HACL1: variants seen among roughly 807,000 people sequenced by gnomAD.
HACL1 encodes the protein 1600020H07Rik.
In HACL1, 64 loss-of-function variants were observed where a neutral mutation model predicts 74.2. The observed-to-expected ratio is 0.86, with a 90% CI of 0.70 to 1.06. The LOEUF is 1.06. Among genes scored for constraint, HACL1 ranks in the 50% least tolerant of loss-of-function variants. The pLI, the probability that HACL1 is intolerant of heterozygous loss-of-function variation, is 0.00. For missense variants in HACL1, 728 were observed against 719.7 expected, an observed-to-expected ratio of 1.01 and a Z score of -0.13; for synonymous variants, 230 against 238.8, an observed-to-expected ratio of 0.96 and a Z score of 0.34.
chr3:15,591,278 T>G (rs972348453), intron 4 of HACL1, among the ~76,000 whole-genome samples: 1 of 147,552 alleles, frequency 6.8e-6, no homozygotes, highest in Non-Finnish European at 1.5e-5. Flanking sequence ...AAATAGTCAC[T>G]TTTTTTGGTA....
intron 2 of HACL1, among the ~76,000 whole-genome samples, chr3:15,600,382 A>AT (rs1230979770): frequency 1.3e-5 from 2 of 152,224 alleles, no homozygotes; most frequent in African/African-American, 4.8e-5. Context: ...ACAGAAGTGG[A>AT]TTCTTGACCT....
At chr3:15,584,184 C>G (rs1235428597) in intron 7 of HACL1, among the ~76,000 whole-genome samples, 1 of 152,130 alleles carries the variant, frequency 6.6e-6, no homozygotes, top group Non-Finnish European at 1.5e-5. Context: ...AGAAGGCTTA[C>G]AGAGTTAACT....
intron 16 of HACL1, among the ~76,000 whole-genome samples, chr3:15,562,991 C>T (rs139460962): frequency 2.0e-5 from 3 of 152,010 alleles, no homozygotes; most frequent in Non-Finnish European, 4.4e-5. Context: ...TCCCTGTAAC[C>T]CCAACATAAA....
At position 15,601,180 on chromosome 3, in the gene HACL1, T is replaced by C; in HGVS notation, c.96A>G (p.Ile32Met). 1.9e-6 allele frequency: 3 copies of C among 1,612,344 alleles called. No individual in the cohort carries two copies. Among genetic ancestry groups the C allele is most frequent in the Non-Finnish European group, 2.5e-6 (3 of 1,178,374 alleles). Reference protein sequence around the residue: ...QALKTQDVEYIFGIVGIPVTE... With the variant: ...QALKTQDVEYMFGIVGIPVTE... Reference sequence around the variant, plus strand: ...TCACTGGGATGCCTACGATGCCAAATATGTACTCCACATCCTGAGGAACGA... The same window carrying C: ...TCACTGGGATGCCTACGATGCCAAACATGTACTCCACATCCTGAGGAACGA... Residue 32 changes from isoleucine to methionine, a missense_variant, in exon 2 of 17, where the codon ATA becomes ATG. Ile to Met is a conservative substitution (Grantham distance 10). Transcript: ENST00000321169.
At position 15,601,093 on chromosome 3, in the gene HACL1, T is replaced by C. The variant is rs750710304; in HGVS notation, c.183A>G (p.Gln61=). 4.4e-6 allele frequency: 7 copies of C among 1,604,790 alleles called. No individual in the cohort carries two copies. Among genetic ancestry groups the C allele is most frequent in the South Asian group, 1.1e-5 (1 of 90,912 alleles). Residue 61 remains glutamine, a synonymous_variant, in exon 2 of 17, where the codon CAA becomes CAG. Coordinates refer to ENST00000321169, the MANE Select transcript of HACL1 (RefSeq NM_012260.4). Reference sequence around the variant, plus strand: ...AGCCACCTGAGTCCATACTCACCGCTTGCTCATTCCTCATCCCGATGTACT... The same window carrying C: ...AGCCACCTGAGTCCATACTCACCGCCTGCTCATTCCTCATCCCGATGTACT... The part of the protein sequence containing the change: ...GIKYIGMRNE[Q]AACYAASAIG...
intron 6 of HACL1, among the ~76,000 whole-genome samples, chr3:15,585,713 G>A (rs979163517): frequency 4.6e-5 from 7 of 152,140 alleles, no homozygotes; most frequent in African/African-American, 7.2e-5. Context: ...GCTGTTACAC[G>A]TATCAAATGG....
chr3:15,580,697 G>A (rs1213858053), intron 8 of HACL1, among the ~76,000 whole-genome samples: 2 of 152,104 alleles, frequency 1.3e-5, no homozygotes, highest in Admixed American at 6.5e-5. Context: ...AGGTGGCCAG[G>A]GAAAAATGTT....
Position 15,574,975 on chromosome 3 carries a change from AC to A in HACL1, c.909+1del, listed in dbSNP as rs2063597716. 1.5e-6 allele frequency: 2 copies of A among 1,373,848 alleles called. No individual in the cohort carries two copies. The highest frequency in any genetic ancestry group is 1.7e-5 in the Admixed American group (1 of 59,532). The allele number at this position is 1,373,848 out of a possible 1,614,324, so 85.1% of individuals were successfully genotyped here. On this transcript the variant is annotated splice_donor_variant, in intron 10 of 16. Coordinates refer to ENST00000321169, the MANE Select transcript of HACL1 (RefSeq NM_012260.4). LOFTEE classifies it high-confidence loss of function. Reference sequence around the variant, plus strand: ...GATTTTAAGTTCCTCCTCTCTAAGTACCTGGATAAACTTCACATCTGGCTGA... The same window carrying A: ...GATTTTAAGTTCCTCCTCTCTAAGTACTGGATAAACTTCACATCTGGCTGA...
chr3:15,592,351 T>G (rs1323832842), intron 3 of HACL1, among the ~76,000 whole-genome samples: 1 of 150,796 alleles, frequency 6.6e-6, no homozygotes. Context: ...CAGAGTATAC[T>G]CTATATATAT....
chr3:15,568,510 T>C lies in HACL1; in HGVS notation c.1172A>G (p.Asp391Gly). 6.3e-7 allele frequency: 1 copy of C among 1,596,572 alleles called. No homozygotes were observed. The highest frequency in any genetic ancestry group is 8.6e-7 in the Non-Finnish European group (1 of 1,164,218). The change falls in exon 13 of 17, where the codon GAC becomes GGC. Residue 391 changes from aspartate (D) to glycine (G), a missense_variant. Asp to Gly is a moderately conservative substitution (Grantham distance 94, BLOSUM62 -1). Transcript: ENST00000321169. ...FYHVQEQLPR[D>G]CFVVSEGANT... Reference sequence around the variant, plus strand: ...TGCTCCTTCACTTACCACGAAACAGTCTCTAGGTAGTTGTTCTTGAACATG... The same window carrying C: ...TGCTCCTTCACTTACCACGAAACAGCCTCTAGGTAGTTGTTCTTGAACATG...
chr3:15,571,615 T>G (rs912616481), intron 12 of HACL1, 53 bp downstream of exon 12: 2 of 831,572 alleles, frequency 2.4e-6, no homozygotes, highest in African/African-American at 3.3e-5. Flanking sequence ...ACGGCAGAAG[T>G]AACTGAATCA....
chr3:15,563,927 C>T (rs935160533), intron 15 of HACL1, among the ~76,000 whole-genome samples: 2 of 152,062 alleles, frequency 1.3e-5, no homozygotes, highest in Non-Finnish European at 2.9e-5. Flanking sequence ...CTATACTAGA[C>T]AGCACAGGCT....
chr3:15,601,194 C>T lies in HACL1; in HGVS notation c.82G>A (p.Asp28Asn). 2.5e-6 allele frequency: 4 copies of T among 1,608,396 alleles called. No individual in the cohort carries two copies. The highest frequency in any genetic ancestry group is 3.4e-6 in the Non-Finnish European group (4 of 1,174,776). Reference sequence around the variant, plus strand: ...ACGATGCCAAATATGTACTCCACATCCTGAGGAACGAAGAACAGGGGAGTA... The same window carrying T: ...ACGATGCCAAATATGTACTCCACATTCTGAGGAACGAAGAACAGGGGAGTA... The part of the protein sequence containing the change: ...KVIAQALKTQ[D>N]VEYIFGIVGI... Residue 28 changes from aspartate (D) to asparagine (N), a missense_variant and splice_region_variant, in exon 2 of 17, where the codon GAT (aspartate) becomes AAT (asparagine). By Grantham distance (23) the Asp-to-Asn change is conservative (BLOSUM62 1). Transcript: ENST00000321169.
intron 14 of HACL1, among the ~76,000 whole-genome samples, chr3:15,566,439 A>G (rs1207676569): frequency 6.6e-6 from 1 of 152,162 alleles, no homozygotes; most frequent in Admixed American, 6.5e-5. Context: ...GGATTGCTTG[A>G]GCTTAGAAAT....
At chr3:15,588,186 G>A (rs2063825761) in intron 5 of HACL1, among the ~76,000 whole-genome samples, 2 of 152,180 alleles carry the variant, frequency 1.3e-5, no homozygotes, top group Admixed American at 1.3e-4. Context: ...GAGCCACCAT[G>A]CCCGGCTGTC....
intron 3 of HACL1, among the ~76,000 whole-genome samples, chr3:15,592,619 T>C (rs1188105671): frequency 2.7e-5 from 2 of 72,860 alleles, no homozygotes; most frequent in African/African-American, 5.6e-5. Flanking sequence ...TGTGCGTGTA[T>C]ACACATGTAC....
intron 5 of HACL1, among the ~76,000 whole-genome samples, chr3:15,589,016 T>C (rs1459568046): frequency 1.3e-5 from 2 of 152,220 alleles, no homozygotes; most frequent in African/African-American, 2.4e-5. Context: ...CTTGAAAGCT[T>C]GTTTCTAAGC....
At chr3:15,586,970 C>G (rs542725506) in intron 5 of HACL1, among the ~76,000 whole-genome samples, 11 of 152,150 alleles carry the variant, frequency 7.2e-5, no homozygotes, top group Admixed American at 7.2e-4. Flanking sequence ...AGCAATTTCA[C>G]AGATAAGAAT....
In HACL1 at chr3:15,592,102, CGT is replaced by C. The variant is rs1388144315; in HGVS notation, c.228-424_228-423del. Among the ~76,000 whole-genome samples the C allele has an allele frequency of 1.3e-4, 18 of 140,432 alleles. No homozygotes were observed. In the South Asian group the frequency reaches 1.7e-3, roughly 14 times the overall value. The allele number at this position is 140,432 out of a possible 152,430, so 92.1% of individuals were successfully genotyped here. On this transcript the variant is annotated intron_variant, in intron 3 of 16. Coordinates refer to ENST00000321169, the MANE Select transcript of HACL1 (RefSeq NM_012260.4). ...TACGTATATATACACACACTATATA[CGT>C]ATATATACACACTATATACGTATAC... is the stretch of plus-strand genomic sequence containing the variant.
Sources: gnomAD v4.1 joint callset for allele counts (sites outside exome capture counted in the v4.1 genomes callset) on GRCh38, gnomAD v4.1.1 for gene constraint, MANE v1.5 for transcripts, NCBI Gene and HGNC (gene_info 2026-07-23, HGNC 2026-07-21) for gene names.